The following JARID2 variants were observed in gnomAD, a reference collection of about 807,000 sequenced individuals.
The protein encoded by JARID2 is protein Jumonji.
A neutral mutation model predicts 125.6 loss-of-function variants in JARID2; 21 were observed. That is an observed-to-expected ratio of 0.17 (90% CI 0.12 to 0.24). The LOEUF is 0.24. Ranked by LOEUF, JARID2 falls within the 10% of genes least tolerant of loss-of-function variation. JARID2 has a pLI of 1.00. For missense variants in JARID2, 1,303 were observed against 1,639.6 expected (o/e 0.79, Z 3.55); for synonymous variants, 736 against 661.6 (o/e 1.11, Z -1.73).
At chr6:15,431,660 GTGT>G (rs1199153345) in intron 3 of JARID2, among the ~76,000 whole-genome samples, 2 of 152,214 alleles carry the variant, frequency 1.3e-5, no homozygotes, top group African/African-American at 4.8e-5. Context: ...TCTAAAGAAA[GTGT>G]TGAAGACTCT....
intron 1 of JARID2, among the ~76,000 whole-genome samples, chr6:15,268,001 AC>A (rs1760153860): frequency 6.6e-6 from 1 of 152,142 alleles, no homozygotes; most frequent in Non-Finnish European, 1.5e-5. Context: ...ACAACCCCAC[AC>A]CCCAGAACAG....
At chr6:15,379,749 A>G (rs1764507221) in intron 2 of JARID2, among the ~76,000 whole-genome samples, 1 of 152,182 alleles carries the variant, frequency 6.6e-6, no homozygotes, top group Admixed American at 6.5e-5. Flanking sequence ...AGAACAAGCA[A>G]TTTTATAGGT....
intron 2 of JARID2, among the ~76,000 whole-genome samples, chr6:15,383,616 C>T (rs766816530): frequency 2.0e-5 from 3 of 152,032 alleles, no homozygotes; most frequent in Non-Finnish European, 4.4e-5. Flanking sequence ...ATATTAATAT[C>T]CCCCAGCCTT....
At chr6:15,434,742 G>T (rs1767129849) in intron 3 of JARID2, among the ~76,000 whole-genome samples, 1 of 152,186 alleles carries the variant, frequency 6.6e-6, no homozygotes, top group African/African-American at 2.4e-5. Flanking sequence ...TCATCTATCA[G>T]AAGGAGATAA....
rs1771795787 is a variant in JARID2 at position 15,520,690 on chromosome 6, C to T, written c.*439C>T. 3.5e-6 allele frequency: 1 copy of T among 289,506 alleles called. No individual in the cohort carries two copies. The highest frequency in any genetic ancestry group is 7.0e-6 in the Non-Finnish European group (1 of 142,306). 17.9% of individuals were successfully genotyped at this position (289,506 alleles called of 1,614,324 possible). ...TTAGAAGGGATAGGAGACACACGCG[C>T]ACACACACACACACACGAAACTTGA... On this transcript the variant is annotated 3_prime_UTR_variant, in exon 18 of 18. Transcript: ENST00000341776.
intron 3 of JARID2, among the ~76,000 whole-genome samples, chr6:15,424,771 A>G (rs1766650572): frequency 6.6e-6 from 1 of 152,218 alleles, no homozygotes. Context: ...AGGCAGGAGA[A>G]TCGCTTGAAC....
intron 1 of JARID2, among the ~76,000 whole-genome samples, chr6:15,371,038 T>C (rs1489279932): frequency 6.6e-6 from 1 of 152,248 alleles, no homozygotes; most frequent in Non-Finnish European, 1.5e-5. Flanking sequence ...GTGTTTTAAG[T>C]TTGAATTTTA....
At chr6:15,495,841 G>A (rs968220018) in intron 6 of JARID2, among the ~76,000 whole-genome samples, 3 of 152,202 alleles carry the variant, frequency 2.0e-5, no homozygotes, top group South Asian at 2.1e-4. Flanking sequence ...CAATGGGAAC[G>A]TGAAAATGCA....
intron 1 of JARID2, among the ~76,000 whole-genome samples, chr6:15,363,545 A>G (rs1338681439): frequency 1.3e-5 from 2 of 152,154 alleles, no homozygotes; most frequent in South Asian, 2.1e-4. Context: ...ATGGCCTTCA[A>G]GTGCCTGCTA....
At chr6:15,440,424 C>G (rs770725899) in intron 3 of JARID2, among the ~76,000 whole-genome samples, 9 of 152,228 alleles carry the variant, frequency 5.9e-5, no homozygotes, top group Non-Finnish European at 8.8e-5. Context: ...ATCCTGCCTC[C>G]CAGCCCCTCA....
intron 2 of JARID2, among the ~76,000 whole-genome samples, chr6:15,407,440 C>G (rs1765696668): frequency 6.6e-6 from 1 of 152,062 alleles, no homozygotes; most frequent in Admixed American, 6.5e-5. Flanking sequence ...AGAAGCAAAG[C>G]TGTCATCAAA....
At chr6:15,283,984 G>A (rs1402875772) in intron 1 of JARID2, among the ~76,000 whole-genome samples, 1 of 152,170 alleles carries the variant, frequency 6.6e-6, no homozygotes, top group Non-Finnish European at 1.5e-5. Flanking sequence ...TGGGATTACA[G>A]GCGTGAGCCA....
chr6:15,430,279 T>A (rs1766914914), intron 3 of JARID2, among the ~76,000 whole-genome samples: 1 of 152,238 alleles, frequency 6.6e-6, no homozygotes, highest in Non-Finnish European at 1.5e-5. Context: ...AGACAATTTC[T>A]GTGACATTAA....
At chr6:15,344,879 T>C (rs1190668477) in intron 1 of JARID2, among the ~76,000 whole-genome samples, 1 of 152,226 alleles carries the variant, frequency 6.6e-6, no homozygotes, top group African/African-American at 2.4e-5. Flanking sequence ...TTTGAAGGCA[T>C]TGCATTACCT....
chr6:15,364,996 G>T (rs939736417), intron 1 of JARID2, among the ~76,000 whole-genome samples: 1 of 152,098 alleles, frequency 6.6e-6, no homozygotes, highest in African/African-American at 2.4e-5. Context: ...GGGATTTTTT[G>T]GGGGTATATC....
intron 2 of JARID2, among the ~76,000 whole-genome samples, chr6:15,388,497 TC>T (rs1764873250): frequency 6.6e-6 from 1 of 151,780 alleles, no homozygotes; most frequent in South Asian, 2.1e-4. Flanking sequence ...ATAATTTCTT[TC>T]CCAAGGATGA....
chr6:15,478,523 C>T (rs954716504), intron 5 of JARID2, among the ~76,000 whole-genome samples: 13 of 151,068 alleles, frequency 8.6e-5, no homozygotes, highest in African/African-American at 2.7e-4. Context: ...TGGTCTAACT[C>T]GCATGTGCAT....
At chr6:15,293,154 C>T (rs925914591) in intron 1 of JARID2, among the ~76,000 whole-genome samples, 1 of 152,168 alleles carries the variant, frequency 6.6e-6, no homozygotes, top group Non-Finnish European at 1.5e-5. Flanking sequence ...TGCCATGTTC[C>T]TGTGTGACGC....
At chr6:15,403,411 A>G (rs1281992860) in intron 2 of JARID2, among the ~76,000 whole-genome samples, 1 of 152,134 alleles carries the variant, frequency 6.6e-6, no homozygotes, top group Admixed American at 6.5e-5. Flanking sequence ...TTTGGGGTCT[A>G]GAGAGCCAGA....
Sources: allele counts gnomAD v4.1 joint callset (sites outside exome capture counted in the v4.1 genomes callset), GRCh38; gene constraint gnomAD v4.1.1; transcripts MANE v1.5; gene names NCBI Gene and HGNC (gene_info 2026-07-23, HGNC 2026-07-21).